PNMA8C: variants seen among roughly 807,000 people sequenced by gnomAD.
PNMA8C encodes the protein PNMA family member 8C.
chr19:46,427,575 G>T lies in PNMA8C; in HGVS notation c.*170C>A. On this transcript the variant is annotated 3_prime_UTR_variant, in exon 1 of 1. Coordinates refer to ENST00000617053, the MANE Select transcript of PNMA8C (RefSeq NM_001386793.1). ...CAGATGTTACCTGTGCTATCCAAAT[G>T]ATACCCATTCTTACTCCAAAGTTAC... 2.5e-6 allele frequency: 1 copy of T among 396,326 alleles called. No individual in the cohort carries two copies. The highest frequency in any genetic ancestry group is 3.6e-5 in the East Asian group (1 of 27,952). 24.6% of individuals were successfully genotyped at this position (396,326 alleles called of 1,614,324 possible).
rs1343830310 is a variant in PNMA8C at position 46,428,224 on chromosome 19, G to T, written c.136C>A (p.Leu46Met). The T allele has an allele frequency of 2.5e-6, 1 of 398,522 alleles. No individual in the cohort carries two copies. Among genetic ancestry groups the T allele is most frequent in the Non-Finnish European group, 4.4e-6 (1 of 226,078 alleles). 24.7% of individuals were successfully genotyped at this position (398,522 alleles called of 1,614,324 possible). ...AACTTGCCTAGAGGTTTGAGGGGCA[G>T]CCGAATAATCTCTTCGAATTCCTCG... ...NHEEFEEIIR[L>M]PLKPLGKFEV... is the part of the protein sequence containing the mutation. The change falls in exon 1 of 1, where the codon CTG becomes ATG. Residue 46 changes from leucine (L) to methionine (M), a missense_variant. Physicochemically the swap from Leu to Met is conservative, Grantham distance 15. Transcript: ENST00000617053.
Position 46,425,634 on chromosome 19 carries a change from G to A in PNMA8C, c.*2111C>T, listed in dbSNP as rs540253644. The A allele has an allele frequency of 2.7e-5, 4 of 147,874 alleles. No homozygotes were observed. The highest frequency in any genetic ancestry group is 2.0e-4 in the East Asian group (1 of 4,984). The allele number at this position is 147,874 out of a possible 1,614,324, so 9.2% of individuals were successfully genotyped here. The stretch of plus-strand genomic sequence containing the variant: ...AAAAGAATCAACAGAGAAGCTGGGC[G>A]CAGTGGCTTACACCTGCAATCCCAG... On this transcript the variant is annotated 3_prime_UTR_variant, in exon 1 of 1. Transcript: ENST00000617053.
rs1969409054 is a variant in PNMA8C, at chr19:46,424,971, C to A, written c.*2774G>T. ...TGGAGTCCCAGGATACACTTTGGTC[C>A]AGAAAATCTTGAAAGAGAAGTGGTA... On this transcript the variant is annotated 3_prime_UTR_variant, in exon 1 of 1. Coordinates refer to ENST00000617053, the MANE Select transcript of PNMA8C (RefSeq NM_001386793.1). 6.6e-6 allele frequency: 1 copy of A among 151,810 alleles called. No homozygotes were observed. The highest frequency in any genetic ancestry group is 2.1e-4 in the South Asian group (1 of 4,826). 9.4% of individuals were successfully genotyped at this position (151,810 alleles called of 1,614,324 possible). A position where few individuals can be genotyped will look rare whatever the true frequency, so the allele number is the denominator to read the frequency against.
chr19:46,425,156 C>T lies in PNMA8C; in HGVS notation c.*2589G>A, dbSNP rs1969410303. ...ATCCCTTATTATACAACGATTATGCCTTGATGGGAGAGCAGCATGCAACAA... is the reference window on the plus strand; with the variant it reads ...ATCCCTTATTATACAACGATTATGCTTTGATGGGAGAGCAGCATGCAACAA... On this transcript the variant is annotated 3_prime_UTR_variant, in exon 1 of 1. Transcript: ENST00000617053. 6.6e-6 allele frequency: 1 copy of T among 151,946 alleles called. No individual in the cohort carries two copies. 9.4% of individuals were successfully genotyped at this position (151,946 alleles called of 1,614,324 possible). A position where few individuals can be genotyped will look rare whatever the true frequency, so the allele number is the denominator to read the frequency against.
chr19:46,427,924 T>C lies in PNMA8C; in HGVS notation c.436A>G (p.Arg146Gly), dbSNP rs182200120. The change falls in exon 1 of 1, where the codon AGA (arginine) becomes GGA (glycine). Residue 146 changes from arginine (R) to glycine (G), a missense_variant. Transcript: ENST00000617053. ...PATGPRELPA[R>G]KCSVPGLGEK... is the part of the protein sequence containing the mutation. ...CCCAGCCCAGGCACAGAGCACTTTC[T>C]TGCAGGCAGCTCTCTGGGGCCCGTG... The C allele has an allele frequency of 1.8e-4, 70 of 398,744 alleles. 1 individual carries two copies. The Admixed American group carries it at 2.6e-3, about 15-fold the overall frequency. 24.7% of individuals were successfully genotyped at this position (398,744 alleles called of 1,614,324 possible).
rs946741978 is a variant in PNMA8C at position 46,428,141 on chromosome 19, C to A, written c.219G>T (p.Gln73His). 7 of 398,746 alleles carry A rather than the reference C, an allele frequency of 1.8e-5. No homozygotes were observed. In the South Asian group the frequency reaches 8.9e-4, roughly 51 times the overall value. The allele number at this position is 398,746 out of a possible 1,614,324, so 24.7% of individuals were successfully genotyped here. A position where few individuals can be genotyped will look rare whatever the true frequency, so the allele number is the denominator to read the frequency against. Reference protein sequence around the residue: ...EEDKSKAAIIQLTEDINYAVV... With the variant: ...EEDKSKAAIIHLTEDINYAVV... Reference sequence around the variant, plus strand: ...CGGCGTAATTGATGTCCTCCGTCAGCTGAATGATGGCCGCCTTGGATTTAT... The same window carrying A: ...CGGCGTAATTGATGTCCTCCGTCAGATGAATGATGGCCGCCTTGGATTTAT... Residue 73 changes from glutamine (Q) to histidine (H), a missense_variant, in exon 1 of 1, where the codon CAG becomes CAT. Coordinates refer to ENST00000617053, the MANE Select transcript of PNMA8C (RefSeq NM_001386793.1).
At position 46,426,357 on chromosome 19, in the gene PNMA8C, T is replaced by A. The variant is rs1969419928; in HGVS notation, c.*1388A>T. On this transcript the variant is annotated 3_prime_UTR_variant, in exon 1 of 1. Coordinates refer to ENST00000617053, the MANE Select transcript of PNMA8C (RefSeq NM_001386793.1). ...AGCGTGTAGAGAAAGACGACAGCTTTTCAAGAGCCGCTTACAGATCAGTGA... is the reference window on the plus strand; with the variant it reads ...AGCGTGTAGAGAAAGACGACAGCTTATCAAGAGCCGCTTACAGATCAGTGA... 6.6e-6 allele frequency: 1 copy of A among 152,026 alleles called. No homozygotes were observed. Among genetic ancestry groups the A allele is most frequent in the African/African-American group, 2.4e-5 (1 of 41,390 alleles). The allele number at this position is 152,026 out of a possible 1,614,324, so 9.4% of individuals were successfully genotyped here. A position where few individuals can be genotyped will look rare whatever the true frequency, so the allele number is the denominator to read the frequency against.
At position 46,428,617 on chromosome 19, in the gene PNMA8C, C is replaced by G. The variant is rs906893255; in HGVS notation, c.-258G>C. ...GGGCTCGAAGATTCCCAGGGACTTA[C>G]GCGTGCTGGAGAAGCAGAAGGCGGT... is the stretch of plus-strand genomic sequence containing the variant. On this transcript the variant is annotated 5_prime_UTR_variant, in exon 1 of 1. Transcript: ENST00000617053. 2 of 369,758 alleles carry G rather than the reference C, an allele frequency of 5.4e-6. No homozygotes were observed. Among genetic ancestry groups the G allele is most frequent in the African/African-American group, 2.1e-5 (1 of 48,100 alleles). The allele number at this position is 369,758 out of a possible 1,614,324, so 22.9% of individuals were successfully genotyped here.
Position 46,427,550 on chromosome 19 carries a change from C to T in PNMA8C, c.*195G>A, listed in dbSNP as rs920531779. The T allele has an allele frequency of 1.3e-5, 5 of 393,386 alleles. No homozygotes were observed. Among genetic ancestry groups the T allele is most frequent in the Non-Finnish European group, 2.2e-5 (5 of 223,260 alleles). 24.4% of individuals were successfully genotyped at this position (393,386 alleles called of 1,614,324 possible). A position where few individuals can be genotyped will look rare whatever the true frequency, so the allele number is the denominator to read the frequency against. On this transcript the variant is annotated 3_prime_UTR_variant, in exon 1 of 1. Coordinates refer to ENST00000617053, the MANE Select transcript of PNMA8C (RefSeq NM_001386793.1). ...AGATATCCACCTCTTTCGCACTAGT[C>T]AGATGTTACCTGTGCTATCCAAATG... is the stretch of plus-strand genomic sequence containing the variant.
rs1310375593 is a variant in PNMA8C, at chr19:46,427,463, G to A, written c.*282C>T. On this transcript the variant is annotated 3_prime_UTR_variant, in exon 1 of 1. Transcript: ENST00000617053. ...TCTGTAAGATGAATAAATGAGCCAC[G>A]GGCACCCAGACGTTAACCACACCCA... The A allele has an allele frequency of 6.9e-6, 2 of 291,942 alleles. No homozygotes were observed. Among genetic ancestry groups the A allele is most frequent in the African/African-American group, 2.2e-5 (1 of 45,898 alleles). The allele number at this position is 291,942 out of a possible 1,614,324, so 18.1% of individuals were successfully genotyped here.
Position 46,425,485 on chromosome 19 carries a change from G to C in PNMA8C, c.*2260C>G, listed in dbSNP as rs536107609. ...CACCTGTAGTCCCAGATACTCAGGA[G>C]GCTGAGGCAGGAGAATCACTTGAAC... On this transcript the variant is annotated 3_prime_UTR_variant, in exon 1 of 1. Coordinates refer to ENST00000617053, the MANE Select transcript of PNMA8C (RefSeq NM_001386793.1). 1 of 145,020 alleles carries C rather than the reference G, an allele frequency of 6.9e-6. No homozygotes were observed. The highest frequency in any genetic ancestry group is 6.7e-5 in the Admixed American group (1 of 14,888). The allele number at this position is 145,020 out of a possible 1,614,324, so 9.0% of individuals were successfully genotyped here. A position where few individuals can be genotyped will look rare whatever the true frequency, so the allele number is the denominator to read the frequency against.
In PNMA8C at chr19:46,427,826, G is replaced by T; in HGVS notation, c.534C>A (p.Ser178Arg). 2.5e-6 allele frequency: 1 copy of T among 398,562 alleles called. No individual in the cohort carries two copies. The highest frequency in any genetic ancestry group is 4.4e-6 in the Non-Finnish European group (1 of 226,108). The allele number at this position is 398,562 out of a possible 1,614,324, so 24.7% of individuals were successfully genotyped here. Residue 178 changes from serine (S) to arginine (R), a missense_variant, in exon 1 of 1, where the codon AGC becomes AGA. Physicochemically the swap from Ser to Arg is moderately radical, Grantham distance 110. Coordinates refer to ENST00000617053, the MANE Select transcript of PNMA8C (RefSeq NM_001386793.1). Reference sequence around the variant, plus strand: ...TGCCCCTCTTGCCAACTCCAGCCTTGCTCTCCTTCTCGGAGGAGTCCAGAG... The same window carrying T: ...TGCCCCTCTTGCCAACTCCAGCCTTTCTCTCCTTCTCGGAGGAGTCCAGAG... Reference protein sequence around the residue: ...VPPLDSSEKESKAGVGKRGKR... With the variant: ...VPPLDSSEKERKAGVGKRGKR...
rs1048964914 is a variant in PNMA8C, at chr19:46,426,663, G to A, written c.*1082C>T. ...GAAGGAGGATGGCGGCCCTTCTCCC[G>A]AGTAGGGATCTCCCTGACACGTTCC... On this transcript the variant is annotated 3_prime_UTR_variant, in exon 1 of 1. Transcript: ENST00000617053. 2 of 152,216 alleles carry A rather than the reference G, an allele frequency of 1.3e-5. No homozygotes were observed. The highest frequency in any genetic ancestry group is 2.4e-5 in the African/African-American group (1 of 41,460). The allele number at this position is 152,216 out of a possible 1,614,324, so 9.4% of individuals were successfully genotyped here.
Position 46,427,823 on chromosome 19 carries a change from C to T in PNMA8C, c.537G>A (p.Lys179=), listed in dbSNP as rs928034800. The change falls in exon 1 of 1, where the codon AAG becomes AAA. Residue 179 remains lysine, a synonymous_variant. Coordinates refer to ENST00000617053, the MANE Select transcript of PNMA8C (RefSeq NM_001386793.1). ...PPLDSSEKES[K]AGVGKRGKRK... is the part of the protein sequence containing the mutation. ...TTTTGCCCCTCTTGCCAACTCCAGC[C>T]TTGCTCTCCTTCTCGGAGGAGTCCA... 5 of 398,686 alleles carry T rather than the reference C, an allele frequency of 1.3e-5. No homozygotes were observed. The South Asian group carries it at 5.1e-4, about 41-fold the overall frequency. 24.7% of individuals were successfully genotyped at this position (398,686 alleles called of 1,614,324 possible).
At position 46,428,042 on chromosome 19, in the gene PNMA8C, T is replaced by C. The variant is rs1027302967; in HGVS notation, c.318A>G (p.Glu106=). 6.0e-5 allele frequency: 24 copies of C among 398,738 alleles called. No homozygotes were observed. In the South Asian group the frequency reaches 2.7e-3, roughly 44 times the overall value. The allele number at this position is 398,738 out of a possible 1,614,324, so 24.7% of individuals were successfully genotyped here. A position where few individuals can be genotyped will look rare whatever the true frequency, so the allele number is the denominator to read the frequency against. Residue 106 remains glutamate, a synonymous_variant, in exon 1 of 1, where the codon GAA becomes GAG. Transcript: ENST00000617053. ...GAAAGAGGTTCAGCTTGGTCAGGAATTCAATGTCCTGCTTCCGGGGCATGT... is the reference window on the plus strand; with the variant it reads ...GAAAGAGGTTCAGCTTGGTCAGGAACTCAATGTCCTGCTTCCGGGGCATGT... ...VVYMPRKQDI[E]FLTKLNLFLQ...
At position 46,428,351 on chromosome 19, in the gene PNMA8C, G is replaced by T; in HGVS notation, c.9C>A (p.Phe3Leu). 2.5e-6 allele frequency: 1 copy of T among 398,656 alleles called. No individual in the cohort carries two copies. The highest frequency in any genetic ancestry group is 1.3e-4 in the South Asian group (1 of 7,834). 24.7% of individuals were successfully genotyped at this position (398,656 alleles called of 1,614,324 possible). A position where few individuals can be genotyped will look rare whatever the true frequency, so the allele number is the denominator to read the frequency against. Reference sequence around the variant, plus strand: ...CCAACAGTGCAATGTCCTTCACCCCGAACAGCATCTTGCCCAACTCTTTGA... The same window carrying T: ...CCAACAGTGCAATGTCCTTCACCCCTAACAGCATCTTGCCCAACTCTTTGA... ML[F>L]GVKDIALLEH... The change falls in exon 1 of 1, where the codon TTC (phenylalanine) becomes TTA (leucine). Residue 3 changes from phenylalanine to leucine, a missense_variant. Physicochemically the swap from Phe to Leu is conservative, Grantham distance 22 (BLOSUM62 0). Transcript: ENST00000617053.
Position 46,427,438 on chromosome 19 carries a change from T to A in PNMA8C, c.*307A>T, listed in dbSNP as rs1489265377. On this transcript the variant is annotated 3_prime_UTR_variant, in exon 1 of 1. Coordinates refer to ENST00000617053, the MANE Select transcript of PNMA8C (RefSeq NM_001386793.1). ...GAACATAGTAGGTATGCAATAAATA[T>A]CTGTAAGATGAATAAATGAGCCACG... is the stretch of plus-strand genomic sequence containing the variant. 2.1e-5 allele frequency: 5 copies of A among 236,508 alleles called. No individual in the cohort carries two copies. The highest frequency in any genetic ancestry group is 8.6e-5 in the East Asian group (1 of 11,658). The allele number at this position is 236,508 out of a possible 1,614,324, so 14.7% of individuals were successfully genotyped here.
Position 46,427,713 on chromosome 19 carries a change from G to T in PNMA8C, c.*32C>A. On this transcript the variant is annotated 3_prime_UTR_variant, in exon 1 of 1. Transcript: ENST00000617053. ...CACAGTCATCACCCACACCCCCTCAGACACTCCCCACGCCCACCCGATGCC... is the reference window on the plus strand; with the variant it reads ...CACAGTCATCACCCACACCCCCTCATACACTCCCCACGCCCACCCGATGCC... 1 of 398,040 alleles carries T rather than the reference G, an allele frequency of 2.5e-6. No individual in the cohort carries two copies. The highest frequency in any genetic ancestry group is 4.4e-6 in the Non-Finnish European group (1 of 226,074). The allele number at this position is 398,040 out of a possible 1,614,324, so 24.7% of individuals were successfully genotyped here.
rs141680422 is a variant in PNMA8C, at chr19:46,425,750, G to A, written c.*1995C>T. 8.5e-5 allele frequency: 13 copies of A among 152,202 alleles called. No homozygotes were observed. In the East Asian group the frequency reaches 2.3e-3, roughly 27 times the overall value. The allele number at this position is 152,202 out of a possible 1,614,324, so 9.4% of individuals were successfully genotyped here. A position where few individuals can be genotyped will look rare whatever the true frequency, so the allele number is the denominator to read the frequency against. On this transcript the variant is annotated 3_prime_UTR_variant, in exon 1 of 1. Transcript: ENST00000617053. ...GTAAAAATACAAAATTTAGCTGGAC[G>A]TGGTGGTTCATGCCTGTAATCCTAG...
Sources: gnomAD v4.1 joint callset for allele counts on GRCh38, gnomAD v4.1.1 for gene constraint, MANE v1.5 for transcripts, NCBI Gene and HGNC (gene_info 2026-07-23, HGNC 2026-07-21) for gene names.